SLIT3: variants seen among roughly 807,000 people sequenced by gnomAD.
SLIT3 encodes slit guidance ligand 3.
A neutral mutation model predicts 184.0 loss-of-function variants in SLIT3; 68 were observed. The ratio of observed to expected loss-of-function variants is 0.37; its 90% CI spans 0.30 to 0.45. SLIT3 has a LOEUF of 0.45. Ranked by LOEUF, SLIT3 falls within the 20% of genes least tolerant of loss-of-function variation. The pLI is 1.00. For missense variants in SLIT3, 1,707 were observed against 2,026.0 expected (o/e 0.84, Z 3.02); for synonymous variants, 831 against 828.6 (o/e 1.00, Z -0.05).
rs1272222164 is a variant in SLIT3, at chr5:169,015,974, ACACACACACAC to A, written c.414-132649_414-132639del. Among the ~76,000 whole-genome samples the A allele has an allele frequency of 1.1e-4, 13 of 122,298 alleles. 1 individual carries two copies. The highest frequency in any genetic ancestry group is 2.9e-4 in the African/African-American group (9 of 30,990). 80.2% of individuals were successfully genotyped at this position (122,298 alleles called of 152,430 possible). ...CACACACACACACACACACACACAC[ACACACACACAC>A]AACTTTCTGTCTGCCCCCTTGCTCT... On this transcript the variant is annotated intron_variant, in intron 4 of 35. Coordinates refer to ENST00000519560, the MANE Select transcript of SLIT3 (RefSeq NM_003062.4).
chr5:168,894,615 G>A (rs143409185), intron 4 of SLIT3, among the ~76,000 whole-genome samples: 223 of 152,290 alleles, frequency 1.5e-3, no homozygotes, highest in African/African-American at 4.6e-3. Context: ...ATGGGGAAAG[G>A]TTTAGTGAGC....
At position 168,687,124 on chromosome 5, in the gene SLIT3, A is replaced by G; in HGVS notation, c.3177-8T>C. On this transcript the variant is annotated splice_polypyrimidine_tract_variant and splice_region_variant and intron_variant, in intron 29 of 35. Transcript: ENST00000519560. ...CCAGGGACACACTCGCAGCTGGAAC[A>G]TAGGCAGAGGCAAGGCCGTTCCTCA... 3 of 1,612,610 alleles carry G rather than the reference A, an allele frequency of 1.9e-6. No homozygotes were observed. Among genetic ancestry groups the G allele is most frequent in the Non-Finnish European group, 1.7e-6 (2 of 1,178,668 alleles).
intron 4 of SLIT3, among the ~76,000 whole-genome samples, chr5:169,132,532 T>G (rs2113319085): frequency 6.6e-6 from 1 of 152,334 alleles, no homozygotes; most frequent in Admixed American, 6.5e-5. Context: ...AAAGGCTGAC[T>G]TATGCAAATT....
At chr5:168,823,867 A>T (rs1338842185) in intron 6 of SLIT3, among the ~76,000 whole-genome samples, 1 of 152,122 alleles carries the variant, frequency 6.6e-6, no homozygotes, top group Admixed American at 6.5e-5. Flanking sequence ...TGATACTCCC[A>T]TTGCATGTGT....
intron 4 of SLIT3, among the ~76,000 whole-genome samples, chr5:168,986,336 G>T (rs933075337): frequency 6.6e-6 from 1 of 152,068 alleles, no homozygotes; most frequent in Non-Finnish European, 1.5e-5. Flanking sequence ...GCCATGCACC[G>T]CACTTCCCAG....
chr5:168,666,610 C>G lies in SLIT3; in HGVS notation c.4416G>C (p.Lys1472Asn). 1 of 1,614,212 alleles carries G rather than the reference C, an allele frequency of 6.2e-7. No individual in the cohort carries two copies. Among genetic ancestry groups the G allele is most frequent in the South Asian group, 1.1e-5 (1 of 91,088 alleles). ...CCCCACGACATTCCATGATGGGCAC[C>G]TTGGAGGCTGTGGCACATGATGCAT... The part of the protein sequence containing the change: ...KGYASCATAS[K>N]VPIMECRGGC... The change falls in exon 36 of 36, where the codon AAG becomes AAC. Residue 1472 changes from lysine (K) to asparagine (N), a missense_variant. Around this residue, in one of 3 missense-constraint regions of SLIT3, gnomAD observed 387 missense variants for 477.9 expected, o/e 0.81. Transcript: ENST00000519560.
intron 4 of SLIT3, among the ~76,000 whole-genome samples, chr5:168,921,900 GAGCTCA>G (rs1761647778): frequency 6.8e-6 from 1 of 146,156 alleles, no homozygotes; most frequent in African/African-American, 2.7e-5. Context: ...ATTTAATTAT[GAGCTCA>G]TTTAATTATG....
chr5:169,213,514 A>C (rs1581061984), intron 3 of SLIT3, among the ~76,000 whole-genome samples: 1 of 152,206 alleles, frequency 6.6e-6, no homozygotes, highest in African/African-American at 2.4e-5. Flanking sequence ...GCATCATGCT[A>C]TCTGACTTCA....
At chr5:168,892,640 T>C (rs1366447464) in intron 4 of SLIT3, among the ~76,000 whole-genome samples, 4 of 152,212 alleles carry the variant, frequency 2.6e-5, no homozygotes, top group African/African-American at 9.6e-5. Flanking sequence ...TTTGCAGCCA[T>C]AGGATTTAAT....
intron 1 of SLIT3, among the ~76,000 whole-genome samples, chr5:169,274,495 T>A (rs11134567): frequency 0.39 from 59,545 of 151,940 alleles, 11,917 homozygotes; most frequent in East Asian, 0.63. Context: ...GCCTAGTCAG[T>A]AGCCAATAAA....
At chr5:168,751,212 G>A (rs1368035654) in intron 18 of SLIT3, among the ~76,000 whole-genome samples, 1 of 152,180 alleles carries the variant, frequency 6.6e-6, no homozygotes, top group Non-Finnish European at 1.5e-5. Flanking sequence ...CCGGCCTTTA[G>A]GCCCTCCTCT....
intron 4 of SLIT3, among the ~76,000 whole-genome samples, chr5:169,131,380 G>A (rs1208165462): frequency 6.6e-6 from 1 of 152,120 alleles, no homozygotes; most frequent in Non-Finnish European, 1.5e-5. Flanking sequence ...ACTGAATTCT[G>A]AACTCTGGGA....
At chr5:169,032,866 A>C (rs1757083418) in intron 4 of SLIT3, among the ~76,000 whole-genome samples, 1 of 151,298 alleles carries the variant, frequency 6.6e-6, no homozygotes, top group African/African-American at 2.4e-5. Context: ...TAAAAAAGAT[A>C]CCACAGTGAA....
chr5:168,985,839 GC>G (rs145463405), intron 4 of SLIT3, among the ~76,000 whole-genome samples: 3,553 of 152,220 alleles, frequency 0.023, 55 homozygotes, highest in Non-Finnish European at 0.034. Context: ...AGGGATGATG[GC>G]GGGGGGTAGG....
chr5:168,901,962 C>T lies in SLIT3; in HGVS notation c.414-18626G>A, dbSNP rs548481821. On this transcript the variant is annotated intron_variant, in intron 4 of 35. Coordinates refer to ENST00000519560, the MANE Select transcript of SLIT3 (RefSeq NM_003062.4). ...TGTCACCCAGGTTGGAGTGCAGTGG[C>T]GCGATCTCGGCTCACTGCAACCTCT... Among the ~76,000 whole-genome samples, 330 of 152,226 alleles carry T rather than the reference C, an allele frequency of 2.2e-3. 3 individuals carry two copies. The highest frequency in any genetic ancestry group is 7.5e-3 in the African/African-American group (312 of 41,552).
At chr5:169,029,996 C>T (rs921396752) in intron 4 of SLIT3, among the ~76,000 whole-genome samples, 1 of 152,180 alleles carries the variant, frequency 6.6e-6, no homozygotes, top group African/African-American at 2.4e-5. Context: ...TAATCCAGGG[C>T]TTTTAGGAAC....
Position 168,707,961 on chromosome 5 carries a change from G to T in SLIT3, c.2844+15C>A. The T allele has an allele frequency of 1.2e-6, 2 of 1,613,994 alleles. No individual in the cohort carries two copies. Among genetic ancestry groups the T allele is most frequent in the South Asian group, 1.1e-5 (1 of 91,062 alleles). On this transcript the variant is annotated intron_variant, in intron 26 of 35. Transcript: ENST00000519560. ...CCTGAGGCATGAACACGGGGGGGCAGGGCCTCCAGCATACCTTGTAGCTGT... is the reference window on the plus strand; with the variant it reads ...CCTGAGGCATGAACACGGGGGGGCATGGCCTCCAGCATACCTTGTAGCTGT...
intron 4 of SLIT3, among the ~76,000 whole-genome samples, chr5:168,981,872 G>A (rs1431471270): frequency 6.6e-6 from 1 of 152,178 alleles, no homozygotes; most frequent in African/African-American, 2.4e-5. Context: ...GGCTAAGAAT[G>A]GAGTCCCATT....
In SLIT3 at chr5:168,960,230, G is replaced by A. The variant is rs77591511; in HGVS notation, c.414-76894C>T. Among the ~76,000 whole-genome samples the A allele has an allele frequency of 0.013, 2,000 of 152,264 alleles. 60 individuals carry two copies. In the East Asian group the frequency reaches 0.13, roughly 10 times the overall value. On this transcript the variant is annotated intron_variant, in intron 4 of 35. Transcript: ENST00000519560. ...GCGTACTGCATGGCAGGTAATAGTC[G>A]GTGCTTGGTGATTCTCTGGTTAATG...
Sources: allele counts gnomAD v4.1 joint callset (sites outside exome capture counted in the v4.1 genomes callset), GRCh38; gene constraint gnomAD v4.1.1; regional missense constraint gnomAD v4.1.1; transcripts MANE v1.5; gene names NCBI Gene and HGNC (gene_info 2026-07-23, HGNC 2026-07-21).